Variants in DHX29 observed in about 807,000 individuals in gnomAD.
DHX29 encodes the protein DExH-box helicase 29.
DHX29 carries 79 observed loss-of-function variants against 167.9 expected under a neutral mutation model. The observed-to-expected ratio is 0.47, with a 90% CI of 0.39 to 0.57. The LOEUF is 0.57. Among genes scored for constraint, DHX29 ranks in the 20% least tolerant of loss-of-function variants. The pLI is 0.00. For missense variants in DHX29, 1,347 were observed against 1,593.4 expected, an observed-to-expected ratio of 0.85 and a Z score of 2.63; for synonymous variants, 530 against 546.0, an observed-to-expected ratio of 0.97 and a Z score of 0.41.
chr5:55,257,559 G>C lies in DHX29; in HGVS notation c.4058-1019C>G, dbSNP rs540170615. On this transcript the variant is annotated intron_variant, in intron 26 of 26. Coordinates refer to ENST00000251636, the MANE Select transcript of DHX29 (RefSeq NM_019030.4). ...CCCATCTCAGCCCTCTGAGTAGCTG[G>C]GATTACAGGCGCAAGCCACCATACC... Among the ~76,000 whole-genome samples the C allele has an allele frequency of 1.2e-4, 19 of 152,276 alleles. 1 individual carries two copies. The East Asian group carries it at 3.7e-3, about 29-fold the overall frequency.
At chr5:55,288,820 C>G (rs1376299158) in intron 8 of DHX29, among the ~76,000 whole-genome samples, 1 of 152,008 alleles carries the variant, frequency 6.6e-6, no homozygotes, top group South Asian at 2.1e-4. Context: ...AGTAATGAAA[C>G]CATAAAACAG....
chr5:55,293,422 G>A (rs1748148855), intron 6 of DHX29, among the ~76,000 whole-genome samples: 1 of 152,152 alleles, frequency 6.6e-6, no homozygotes, highest in Non-Finnish European at 1.5e-5. Context: ...GAGTATTCCA[G>A]TTGTTCCACA....
Position 55,277,142 on chromosome 5 carries a change from G to T in DHX29, c.2250C>A (p.Pro750=), listed in dbSNP as rs1561148286. 3.1e-6 allele frequency: 5 copies of T among 1,612,480 alleles called. No individual in the cohort carries two copies. Among genetic ancestry groups the T allele is most frequent in the Non-Finnish European group, 4.2e-6 (5 of 1,179,186 alleles). The part of the protein sequence containing the change: ...EKFSTYFTHC[P]ILRISGRSYP... ...AACTTCTTCCTGAAATTCTGAGAAT[G>T]GGGCAGTGTGTGAAATATGTAGAAA... Residue 750 remains proline (P), a synonymous_variant, in exon 13 of 27, where the codon CCC becomes CCA. Coordinates refer to ENST00000251636, the MANE Select transcript of DHX29 (RefSeq NM_019030.4).
At chr5:55,275,154 G>C in intron 14 of DHX29, 144 bp from the exon 15 acceptor site, 1 of 948,740 alleles carries the variant, frequency 1.1e-6, no homozygotes, top group Non-Finnish European at 1.5e-6. Context: ...AATACAGGAA[G>C]CGTATACTTT....
chr5:55,283,313 C>G lies in DHX29; in HGVS notation c.1855G>C (p.Glu619Gln). Residue 619 changes from glutamate (E) to glutamine (Q), a missense_variant, in exon 11 of 27, where the codon GAA becomes CAA. Transcript: ENST00000251636. ...CAGACAATGTTACATTTACTTGCTT[C>G]CCACTCATTTAGAAGCAAATCTTCC... is the stretch of plus-strand genomic sequence containing the variant. ...LLEDLLLNEW[E>Q]ASKCNIVCTQ... 2 of 1,614,140 alleles carry G rather than the reference C, an allele frequency of 1.2e-6. No homozygotes were observed. Among genetic ancestry groups the G allele is most frequent in the Non-Finnish European group, 1.7e-6 (2 of 1,179,992 alleles).
In DHX29 at chr5:55,270,428, A is replaced by G. The variant is rs1471841079; in HGVS notation, c.3053T>C (p.Leu1018Ser). 1.2e-6 allele frequency: 2 copies of G among 1,610,374 alleles called. No homozygotes were observed. The highest frequency in any genetic ancestry group is 3.3e-5 in the Admixed American group (2 of 59,728). ...TGAGATTACCATAATATGAAGGCAT[A>G]ATTCCTCCAAAGGTACACGTAAGAT... ...PEILRVPLEE[L>S]CLHIMKCNLG... Residue 1018 changes from leucine to serine, a missense_variant, in exon 20 of 27, where the codon TTA becomes TCA. Around this residue, in one of 3 missense-constraint regions of DHX29, gnomAD observed 882 missense variants for 1,082.4 expected, o/e 0.81. Coordinates refer to ENST00000251636, the MANE Select transcript of DHX29 (RefSeq NM_019030.4).
chr5:55,260,693 T>A (rs184760510), intron 25 of DHX29, among the ~76,000 whole-genome samples: 16 of 152,324 alleles, frequency 1.1e-4, no homozygotes, highest in Middle Eastern at 3.4e-3. Context: ...AAGCTGCACT[T>A]AAAATTCACC....
At chr5:55,273,577 T>C (rs1746954759) in intron 16 of DHX29, among the ~76,000 whole-genome samples, 200 bp from the exon 17 acceptor site, 1 of 152,206 alleles carries the variant, frequency 6.6e-6, no homozygotes, top group Admixed American at 6.5e-5. Context: ...ATTATGCGAA[T>C]AGGATTAAAT....
At chr5:55,300,622 G>A (rs909128600) in intron 1 of DHX29, among the ~76,000 whole-genome samples, 3 of 152,148 alleles carry the variant, frequency 2.0e-5, no homozygotes, top group Non-Finnish European at 2.9e-5. Flanking sequence ...GCAGTGAGCC[G>A]AGACTGCACC....
chr5:55,295,292 T>C (rs918839841), intron 5 of DHX29, 87 bp downstream of exon 5: 15 of 1,032,882 alleles, frequency 1.5e-5, no homozygotes, highest in Middle Eastern at 2.6e-4. Flanking sequence ...AAAAATGTTA[T>C]AGAAACCTAA....
intron 5 of DHX29, chr5:55,295,041 C>T: frequency 5.3e-6 from 1 of 188,242 alleles, no homozygotes; most frequent in South Asian, 1.5e-4. Flanking sequence ...AACATGTAAA[C>T]AGAGGGATGC....
In DHX29 at chr5:55,267,714, G is replaced by A. The variant is rs1343030423; in HGVS notation, c.3403C>T (p.His1135Tyr). 2.5e-6 allele frequency: 4 copies of A among 1,601,766 alleles called. No individual in the cohort carries two copies. Among genetic ancestry groups the A allele is most frequent in the African/African-American group, 2.7e-5 (2 of 74,228 alleles). Residue 1135 changes from histidine (H) to tyrosine (Y), a missense_variant, in exon 22 of 27, where the codon CAC (histidine) becomes TAC (tyrosine). By Grantham distance (83) the His-to-Tyr change is moderately conservative. This residue lies in a region of DHX29 where 882 missense variants were observed against 1,082.4 expected (regional missense o/e 0.81). Coordinates refer to ENST00000251636, the MANE Select transcript of DHX29 (RefSeq NM_019030.4). ...AGATATGCATTGTAGATCGTCAGGT[G>A]GTCTGAATCCGCCATGGCCAAAGCT... ...KSALAMADSD[H>Y]LTIYNAYLGW... is the part of the protein sequence containing the mutation.
At chr5:55,293,913 GA>G in intron 6 of DHX29, 103 bp downstream of exon 6, 1 of 1,279,658 alleles carries the variant, frequency 7.8e-7, no homozygotes, top group Non-Finnish European at 1.1e-6. Flanking sequence ...CAACCCCTTG[GA>G]GGTACATTTC....
At chr5:55,289,561 A>C (rs1747930731) in intron 7 of DHX29, 133 bp from the exon 8 acceptor site, 1 of 648,700 alleles carries the variant, frequency 1.5e-6, no homozygotes, top group Admixed American at 4.1e-5. Flanking sequence ...AATGATTAAA[A>C]AAAACTGCAT....
Position 55,297,381 on chromosome 5 carries a change from T to C in DHX29, c.279A>G (p.Lys93=), listed in dbSNP as rs201380006. The change falls in exon 3 of 27, where the codon AAA becomes AAG. Residue 93 remains lysine (K), a synonymous_variant. Coordinates refer to ENST00000251636, the MANE Select transcript of DHX29 (RefSeq NM_019030.4). ...KSILKVVINN[K]LEQRIIGVIN... is the part of the protein sequence containing the mutation. ...TCACTCCAATAATTCTTTGCTCTAG[T>C]TTGTTATTAATTACCACCTGTTGAG... 4.9e-5 allele frequency: 73 copies of C among 1,505,114 alleles called. No individual in the cohort carries two copies. In the East Asian group the frequency reaches 1.6e-3, roughly 33 times the overall value. 93.2% of individuals were successfully genotyped at this position (1,505,114 alleles called of 1,614,324 possible).
chr5:55,274,669 G>A lies in DHX29; in HGVS notation c.2635C>T (p.His879Tyr). ...AVLIFLPGLAHIQQLYDLLSN... is the reference protein window; with the variant it reads ...AVLIFLPGLAYIQQLYDLLSN... ...AGAAGATCATACAACTGCTGAATAT[G>A]AGCAAGTCCTGGTAAAAAGATCAAT... The change falls in exon 16 of 27, where the codon CAT (histidine) becomes TAT (tyrosine). Residue 879 changes from histidine to tyrosine, a missense_variant. This residue lies in a region of DHX29 where 882 missense variants were observed against 1,082.4 expected (regional missense o/e 0.81). Coordinates refer to ENST00000251636, the MANE Select transcript of DHX29 (RefSeq NM_019030.4). 6.2e-7 allele frequency: 1 copy of A among 1,604,830 alleles called. No individual in the cohort carries two copies. Among genetic ancestry groups the A allele is most frequent in the East Asian group, 2.2e-5 (1 of 44,676 alleles).
rs1458008719 is a variant in DHX29, at chr5:55,290,354, A to G, written c.781-10T>C. Reference sequence around the variant, plus strand: ...GTAAGTACCTTTCATTCTGTTCCAAATAAAACAATGAGGAGGGGGAAAAAA... The same window carrying G: ...GTAAGTACCTTTCATTCTGTTCCAAGTAAAACAATGAGGAGGGGGAAAAAA... On this transcript the variant is annotated splice_polypyrimidine_tract_variant and intron_variant, in intron 6 of 26. Transcript: ENST00000251636. The G allele has an allele frequency of 1.3e-6, 2 of 1,575,966 alleles. No homozygotes were observed. Among genetic ancestry groups the G allele is most frequent in the Non-Finnish European group, 1.7e-6 (2 of 1,167,810 alleles).
At chr5:55,305,937 A>C (rs1418927479) in intron 1 of DHX29, among the ~76,000 whole-genome samples, 1 of 152,210 alleles carries the variant, frequency 6.6e-6, no homozygotes, top group Non-Finnish European at 1.5e-5. Context: ...CTATACTGTC[A>C]AGGATTGACA....
Position 55,298,626 on chromosome 5 carries a change from T to C in DHX29, c.226A>G (p.Ser76Gly). The part of the protein sequence containing the change: ...IYSFNSTNDS[S>G]GPANLDKSIL... ...GATTTATCCAGATTTGCAGGACCAC[T>C]AGAATCATTTGTAGAATTAAAACTA... Residue 76 changes from serine to glycine, a missense_variant, in exon 2 of 27, where the codon AGT becomes GGT. Around this residue, in one of 3 missense-constraint regions of DHX29, gnomAD observed 405 missense variants for 416.8 expected, o/e 0.97. Coordinates refer to ENST00000251636, the MANE Select transcript of DHX29 (RefSeq NM_019030.4). 1.3e-6 allele frequency: 2 copies of C among 1,555,584 alleles called. No individual in the cohort carries two copies. Among genetic ancestry groups the C allele is most frequent in the Non-Finnish European group, 1.8e-6 (2 of 1,128,440 alleles).
Sources: allele counts gnomAD v4.1 joint callset (sites outside exome capture counted in the v4.1 genomes callset), GRCh38; gene constraint gnomAD v4.1.1; regional missense constraint gnomAD v4.1.1; transcripts MANE v1.5; gene names NCBI Gene and HGNC (gene_info 2026-07-23, HGNC 2026-07-21).